JAKMIP3: variants seen among roughly 807,000 people sequenced by gnomAD.
The protein encoded by JAKMIP3 is janus kinase and microtubule-interacting protein 3.
A neutral mutation model predicts 118.5 loss-of-function variants in JAKMIP3; 58 were observed. That is an observed-to-expected ratio of 0.49 (90% confidence interval 0.40 to 0.61). The LOEUF is 0.61. Ranked by LOEUF, JAKMIP3 falls within the 20% of genes least tolerant of loss-of-function variation. The pLI is 0.00. For synonymous variants in JAKMIP3, 486 were observed against 451.2 expected (o/e 1.08, Z -0.98); for missense variants, 950 against 1,109.0 (o/e 0.86, Z 2.04).
intron 10 of JAKMIP3, among the ~76,000 whole-genome samples, chr10:132,141,347 C>T (rs978662083): frequency 2.0e-5 from 3 of 152,166 alleles, no homozygotes; most frequent in East Asian, 1.9e-4. Flanking sequence ...CTTCCAGCCC[C>T]GGGGGTCCAC....
In JAKMIP3 at chr10:132,104,737, C is replaced by A; in HGVS notation, c.-72C>A. ...CCTGCTGGGAGCTTGGCGTGGACAC[C>A]CCAGCCACCCCCAGCCCAGCCCAGC... On this transcript the variant is annotated 5_prime_UTR_variant, in exon 2 of 24. Transcript: ENST00000684848. 1 of 1,493,096 alleles carries A rather than the reference C, an allele frequency of 6.7e-7. No homozygotes were observed. The highest frequency in any genetic ancestry group is 1.2e-5 in the South Asian group (1 of 80,654). The allele number at this position is 1,493,096 out of a possible 1,614,324, so 92.5% of individuals were successfully genotyped here.
intron 23 of JAKMIP3, among the ~76,000 whole-genome samples, chr10:132,172,283 G>A (rs764150891): frequency 2.6e-5 from 4 of 152,100 alleles, no homozygotes; most frequent in Non-Finnish European, 4.4e-5. Context: ...CCACACCAGG[G>A]TGCCCGAGAT....
At chr10:132,162,342 C>T (rs549444123) in intron 19 of JAKMIP3, among the ~76,000 whole-genome samples, 1 of 152,256 alleles carries the variant, frequency 6.6e-6, no homozygotes, top group Non-Finnish European at 1.5e-5. Context: ...CCACCAGGTG[C>T]ACGTGAAGCC....
In JAKMIP3 at chr10:132,117,332, G is replaced by C; in HGVS notation, c.391G>C (p.Val131Leu). 2 of 1,614,006 alleles carry C rather than the reference G, an allele frequency of 1.2e-6. No homozygotes were observed. Among genetic ancestry groups the C allele is most frequent in the Non-Finnish European group, 1.7e-6 (2 of 1,179,902 alleles). Residue 131 changes from valine (V) to leucine (L), a missense_variant, in exon 3 of 24, where the codon GTC becomes CTC. Coordinates refer to ENST00000684848, the MANE Select transcript of JAKMIP3 (RefSeq NM_001323087.2). This position sits in a 1 kb window ranked among gnomAD's most constrained non-coding sequence, Gnocchi z 8.6. ...CCTGCGTGATGGCGGCCCCGAAAAG[G>C]TCAAGACCGTGCTGCTGTCCGAGGC... ...SALRDGGPEK[V>L]KTVLLSEAKE...
Position 132,101,539 on chromosome 10 carries a change from G to A in JAKMIP3, c.-137-3133G>A, listed in dbSNP as rs192626230. On this transcript the variant is annotated intron_variant, in intron 1 of 23. Coordinates refer to ENST00000684848, the MANE Select transcript of JAKMIP3 (RefSeq NM_001323087.2). ...TTTTAAATAGCAAAACTATGGGAAC[G>A]ACAACTGTCTCGGCAGCCAGATTTT... Among the ~76,000 whole-genome samples the A allele has an allele frequency of 7.2e-4, 110 of 152,292 alleles. No individual in the cohort carries two copies. In the Middle Eastern group the frequency reaches 0.01, roughly 14 times the overall value.
chr10:132,117,715 C>G lies in JAKMIP3; in HGVS notation c.633+141C>G. On this transcript the variant is annotated intron_variant, in intron 3 of 23. Transcript: ENST00000684848. This position sits in a 1 kb window ranked among gnomAD's most constrained non-coding sequence, Gnocchi z 8.6. Reference sequence around the variant, plus strand: ...CACCGGCTTCACCCCCCATGACATTCTTAGCACAGGCTCCTCATGCCACCC... The same window carrying G: ...CACCGGCTTCACCCCCCATGACATTGTTAGCACAGGCTCCTCATGCCACCC... 1 of 1,047,210 alleles carries G rather than the reference C, an allele frequency of 9.5e-7. No individual in the cohort carries two copies. Among genetic ancestry groups the G allele is most frequent in the Middle Eastern group, 3.5e-4 (1 of 2,846 alleles). The allele number at this position is 1,047,210 out of a possible 1,614,324, so 64.9% of individuals were successfully genotyped here.
chr10:132,141,497 G>A (rs946251420), intron 10 of JAKMIP3, among the ~76,000 whole-genome samples: 10 of 152,286 alleles, frequency 6.6e-5, no homozygotes, highest in Admixed American at 6.5e-4. Flanking sequence ...CCTTCACAAA[G>A]CCCAGCTTTC....
Position 132,180,578 on chromosome 10 carries a change from TGCGTGC to T in JAKMIP3, c.*1104-1773_*1104-1768del, listed in dbSNP as rs1485110863. 1.3e-4 allele frequency among the ~76,000 whole-genome samples: 3 copies of T among 23,818 alleles called. 1 individual carries two copies. Among genetic ancestry groups the T allele is most frequent in the African/African-American group, 5.8e-4 (3 of 5,210 alleles). 15.6% of individuals were successfully genotyped at this position (23,818 alleles called of 152,430 possible). ...GCATGCGTGTGTGTGCGTGTGTGTG[TGCGTGC>T]GCGTGTGTGTGTGCGTGCGCGTGTG... On this transcript the variant is annotated intron_variant, in intron 23 of 23. Transcript: ENST00000684848.
At chr10:132,139,056 G>A (rs915374584) in intron 9 of JAKMIP3, among the ~76,000 whole-genome samples, 4 of 150,438 alleles carry the variant, frequency 2.7e-5, no homozygotes, top group Non-Finnish European at 5.9e-5. Flanking sequence ...TTGAGTGTGT[G>A]TGTGTGTGTG....
At chr10:132,038,610 A>G (rs1443843430) in intron 1 of JAKMIP3, among the ~76,000 whole-genome samples, 5 of 152,064 alleles carry the variant, frequency 3.3e-5, no homozygotes, top group African/African-American at 1.2e-4. Context: ...CAGCTTGGCC[A>G]ACATAGTGAA....
In JAKMIP3 at chr10:132,180,712, T is replaced by TGTGCGC. The variant is rs1554963285; in HGVS notation, c.*1104-1642_*1104-1641insCGCGTG. On this transcript the variant is annotated intron_variant, in intron 23 of 23. Transcript: ENST00000684848. ...GTGTGCGTGCGTGTGTGTGTGCGCG[T>TGTGCGC]GTGTGTGCGTGTGTGTGCGTGTGTG... Among the ~76,000 whole-genome samples, 9 of 26,540 alleles carry TGTGCGC rather than the reference T, an allele frequency of 3.4e-4. No individual in the cohort carries two copies. In the African/African-American group the frequency reaches 3.6e-3, roughly 11 times the overall value. The allele number at this position is 26,540 out of a possible 152,430, so 17.4% of individuals were successfully genotyped here.
At position 132,135,001 on chromosome 10, in the gene JAKMIP3, G is replaced by A. The variant is rs756294924; in HGVS notation, c.850-40G>A. On this transcript the variant is annotated intron_variant, in intron 4 of 23. Transcript: ENST00000684848. Reference sequence around the variant, plus strand: ...GGATTTGCAAAGGCTTCCCAGGCTTGTGGGTAGGAACCGTTATTTGCAGTT... The same window carrying A: ...GGATTTGCAAAGGCTTCCCAGGCTTATGGGTAGGAACCGTTATTTGCAGTT... 2.5e-6 allele frequency: 4 copies of A among 1,603,546 alleles called. No homozygotes were observed. The African/African-American group carries it at 5.3e-5, about 21-fold the overall frequency.
chr10:132,180,534 T>TGTGTGTGTGTGTGTGTGC lies in JAKMIP3; in HGVS notation c.*1104-1812_*1104-1811insTGTGTGCGTGTGTGTGTG, dbSNP rs1554962694. Among the ~76,000 whole-genome samples the TGTGTGTGTGTGTGTGTGC allele has an allele frequency of 9.6e-4, 32 of 33,216 alleles. 13 individuals carry two copies. Among genetic ancestry groups the TGTGTGTGTGTGTGTGTGC allele is most frequent in the African/African-American group, 5.1e-3 (26 of 5,102 alleles). The allele number at this position is 33,216 out of a possible 152,430, so 21.8% of individuals were successfully genotyped here. On this transcript the variant is annotated intron_variant, in intron 23 of 23. Transcript: ENST00000684848. ...ACCTGGAAGCAGAACTGTGTGTGTG[T>TGTGTGTGTGTGTGTGTGC]GTGTGTGTGTGCGTGCGTGCATGCG...
chr10:132,148,454 TGCCCG>T (rs1564963294), intron 14 of JAKMIP3, among the ~76,000 whole-genome samples: 1 of 148,354 alleles, frequency 6.7e-6, no homozygotes. Flanking sequence ...GTCCTCCATC[TGCCCG>T]TCCTCCATCC....
At chr10:132,063,613 G>T (rs2038484596), upstream of JAKMIP3, among the ~76,000 whole-genome samples, 1 of 152,248 alleles carries the variant, frequency 6.6e-6, no homozygotes, top group African/African-American at 2.4e-5. Flanking sequence ...GCCTCAGCCA[G>T]CGTGGGGATT....
At chr10:132,076,160 C>A (rs2040751488) in intron 1 of JAKMIP3, among the ~76,000 whole-genome samples, 1 of 152,182 alleles carries the variant, frequency 6.6e-6, no homozygotes, top group Non-Finnish European at 1.5e-5. Context: ...CAGTCACTCC[C>A]CACCCCTCCC....
Position 132,044,152 on chromosome 10 carries a change from G to A in JAKMIP3, c.-138+7414G>A, listed in dbSNP as rs552975899. On this transcript the variant is annotated intron_variant, in intron 1 of 23. Transcript: ENST00000657785. This position sits in a 1 kb window ranked among gnomAD's most constrained non-coding sequence, Gnocchi z 5.3. ...TGGGACCAGCCCGATGCCTGGTGGG[G>A]GGGCTTCTCTGGGCCCTCAGCTGCC... Among the ~76,000 whole-genome samples the A allele has an allele frequency of 6.6e-6, 1 of 152,356 alleles. No homozygotes were observed. Among genetic ancestry groups the A allele is most frequent in the East Asian group, 1.9e-4 (1 of 5,178 alleles).
chr10:132,154,809 T>C (rs2056806719), intron 19 of JAKMIP3, among the ~76,000 whole-genome samples: 1 of 145,130 alleles, frequency 6.9e-6, no homozygotes, highest in Non-Finnish European at 1.5e-5. Flanking sequence ...GTGGTGGTGA[T>C]GATTGTGCTG....
At position 132,142,066 on chromosome 10, in the gene JAKMIP3, C is replaced by T. The variant is rs763924413; in HGVS notation, c.1602+18C>T. On this transcript the variant is annotated intron_variant, in intron 11 of 23. Transcript: ENST00000684848. Reference sequence around the variant, plus strand: ...AAGTTAAGGTCTACGTGACTTCCACCGCGCGTTCCGGCCCCCCTCGTGCCT... The same window carrying T: ...AAGTTAAGGTCTACGTGACTTCCACTGCGCGTTCCGGCCCCCCTCGTGCCT... 4.2e-6 allele frequency: 6 copies of T among 1,444,928 alleles called. No homozygotes were observed. The Admixed American group carries it at 9.2e-5, about 22-fold the overall frequency. 89.5% of individuals were successfully genotyped at this position (1,444,928 alleles called of 1,614,324 possible).
Sources: allele counts gnomAD v4.1 joint callset (sites outside exome capture counted in the v4.1 genomes callset), GRCh38; gene constraint gnomAD v4.1.1; non-coding constraint Gnocchi (gnomAD v3.1); transcripts MANE v1.5; gene names NCBI Gene and HGNC (gene_info 2026-07-23, HGNC 2026-07-21).